Variants in KCNJ15 observed in about 807,000 individuals in gnomAD.
The protein encoded by KCNJ15 is potassium inwardly rectifying channel subfamily J member 15.
Under a neutral mutation model 23.0 loss-of-function variants are expected in KCNJ15, and 14 were observed. That is an observed-to-expected ratio of 0.61 (90% CI 0.40 to 0.95). The LOEUF (loss-of-function observed/expected upper bound fraction) is 0.95. Ranked by LOEUF, KCNJ15 falls within the 40% of genes least tolerant of loss-of-function variation. The pLI, the probability that KCNJ15 is intolerant of heterozygous loss-of-function variation, is 0.00. For synonymous variants in KCNJ15, 185 were observed against 183.2 expected (o/e 1.01, Z -0.08); for missense variants, 388 against 461.8 (o/e 0.84, Z 1.46).
intron 1 of KCNJ15, among the ~76,000 whole-genome samples, chr21:38,238,888 T>A (rs180930363): frequency 1.9e-4 from 29 of 152,342 alleles, no homozygotes; most frequent in African/African-American, 5.1e-4. Flanking sequence ...TCTCTCTCTC[T>A]CACATTTTTG....
At chr21:38,237,530 C>T (rs1378840144) in intron 1 of KCNJ15, 1 of 152,322 alleles carries the variant, frequency 6.6e-6, no homozygotes, top group East Asian at 1.9e-4. Context: ...TGGCATCTTA[C>T]AGCAGGCTGA....
chr21:38,231,133 G>A (rs975312182), intron 1 of KCNJ15, among the ~76,000 whole-genome samples: 4 of 151,916 alleles, frequency 2.6e-5, no homozygotes, highest in Non-Finnish European at 5.9e-5. Flanking sequence ...TTACATTACA[G>A]CATCATAGTA....
intron 1 of KCNJ15, among the ~76,000 whole-genome samples, chr21:38,288,128 C>T (rs543481601): frequency 4.4e-4 from 61 of 140,126 alleles, no homozygotes; most frequent in African/African-American, 1.5e-3. Context: ...GCAAGCTCCA[C>T]TTCCCGGGTT....
chr21:38,288,794 T>C (rs1007506573), intron 1 of KCNJ15, among the ~76,000 whole-genome samples: 5 of 152,232 alleles, frequency 3.3e-5, no homozygotes, highest in Non-Finnish European at 5.9e-5. Context: ...GTCTCAAGCA[T>C]CTTCTTATGT....
At chr21:38,267,698 T>C (rs1981607234) in intron 1 of KCNJ15, among the ~76,000 whole-genome samples, 1 of 152,164 alleles carries the variant, frequency 6.6e-6, no homozygotes, top group Non-Finnish European at 1.5e-5. Context: ...GCCAACTCAG[T>C]TCAGATGAAA....
intron 2 of KCNJ15, among the ~76,000 whole-genome samples, chr21:38,298,449 A>G (rs974782315): frequency 6.6e-6 from 1 of 152,248 alleles, no homozygotes; most frequent in Non-Finnish European, 1.5e-5. Flanking sequence ...GCACTTTTCC[A>G]AGAATAACCA....
intron 1 of KCNJ15, among the ~76,000 whole-genome samples, chr21:38,294,756 T>C (rs1984970981): frequency 2.0e-5 from 3 of 152,208 alleles, no homozygotes. Flanking sequence ...TCTGTTCCAT[T>C]CTGTTTCAGA....
In KCNJ15 at chr21:38,269,528, A is replaced by G. The variant is rs1601183922; in HGVS notation, c.-117+12343A>G. On this transcript the variant is annotated intron_variant, in intron 1 of 2. Coordinates refer to ENST00000398938, the MANE Select transcript of KCNJ15 (RefSeq NM_170736.3). ...AAATACACAGAAACATTAAAAAAGT[A>G]ACTATCTCCTCTGTTTTATAAGGAG... Among the ~76,000 whole-genome samples, 6 of 152,344 alleles carry G rather than the reference A, an allele frequency of 3.9e-5. No individual in the cohort carries two copies. In the South Asian group the frequency reaches 1.2e-3, roughly 32 times the overall value.
chr21:38,283,022 T>G (rs1983521459), intron 1 of KCNJ15, among the ~76,000 whole-genome samples: 1 of 152,184 alleles, frequency 6.6e-6, no homozygotes, highest in Non-Finnish European at 1.5e-5. Context: ...TAGGGCAGGA[T>G]ATCTGCTTTA....
In KCNJ15 at chr21:38,305,468, A is replaced by G. The variant is rs935608324; in HGVS notation, c.*5079A>G. Reference sequence around the variant, plus strand: ...AAAAATTACAAGAAAGGATGGTGGAAGTCAAAGGACAGAACTGATACACGA... The same window carrying G: ...AAAAATTACAAGAAAGGATGGTGGAGGTCAAAGGACAGAACTGATACACGA... On this transcript the variant is annotated 3_prime_UTR_variant, in exon 3 of 3. Transcript: ENST00000398938. 1 of 152,240 alleles carries G rather than the reference A, an allele frequency of 6.6e-6. No individual in the cohort carries two copies. Among genetic ancestry groups the G allele is most frequent in the Non-Finnish European group, 1.5e-5 (1 of 68,052 alleles). 9.4% of individuals were successfully genotyped at this position (152,240 alleles called of 1,614,324 possible).
chr21:38,269,249 A>C (rs933137992), intron 1 of KCNJ15, among the ~76,000 whole-genome samples: 17 of 152,236 alleles, frequency 1.1e-4, no homozygotes, highest in African/African-American at 3.9e-4. Flanking sequence ...AACAAAACAA[A>C]ACTTACTTTG....
At chr21:38,238,864 C>A (rs189346387) in intron 1 of KCNJ15, among the ~76,000 whole-genome samples, 186 of 152,322 alleles carry the variant, frequency 1.2e-3, no homozygotes, top group Non-Finnish European at 2.0e-3. Flanking sequence ...CCTTTCAGTT[C>A]TCTCTTTAAC....
chr21:38,267,064 C>T (rs1306182862), intron 1 of KCNJ15, among the ~76,000 whole-genome samples: 1 of 152,088 alleles, frequency 6.6e-6, no homozygotes, highest in Non-Finnish European at 1.5e-5. Flanking sequence ...AAGACCTGGA[C>T]CAGCATGGTG....
intron 1 of KCNJ15, among the ~76,000 whole-genome samples, chr21:38,286,179 C>G (rs940699689): frequency 1.3e-5 from 2 of 152,104 alleles, no homozygotes; most frequent in African/African-American, 2.4e-5. Flanking sequence ...GGAGGCGGAG[C>G]TTGTAGTGAG....
At position 38,305,231 on chromosome 21, in the gene KCNJ15, G is replaced by C. The variant is rs571368749; in HGVS notation, c.*4842G>C. On this transcript the variant is annotated 3_prime_UTR_variant, in exon 3 of 3. Transcript: ENST00000398938. ...CAACATCATACATGCTTGGTTGACTGTTTCTTCATATTTGCTGTTCATTCT... is the reference window on the plus strand; with the variant it reads ...CAACATCATACATGCTTGGTTGACTCTTTCTTCATATTTGCTGTTCATTCT... 6.6e-6 allele frequency: 1 copy of C among 152,140 alleles called. No homozygotes were observed. Among genetic ancestry groups the C allele is most frequent in the African/African-American group, 2.4e-5 (1 of 41,516 alleles). 9.4% of individuals were successfully genotyped at this position (152,140 alleles called of 1,614,324 possible). A position where few individuals can be genotyped will look rare whatever the true frequency, so the allele number is the denominator to read the frequency against.
At chr21:38,269,174 G>T (rs568144645) in intron 1 of KCNJ15, 1 of 152,334 alleles carries the variant, frequency 6.6e-6, no homozygotes, top group South Asian at 2.1e-4. Flanking sequence ...TGACCAGAAT[G>T]ATTCCTAATT....
intron 1 of KCNJ15, among the ~76,000 whole-genome samples, chr21:38,288,622 G>A (rs913057012): frequency 5.9e-5 from 9 of 152,144 alleles, no homozygotes; most frequent in African/African-American, 1.4e-4. Context: ...TGCCTTCATC[G>A]TAGTGCAAAA....
rs1412399184 is a variant in KCNJ15 at position 38,305,097 on chromosome 21, AG to A, written c.*4709del. ...CTCCGTCTCAAAAAAAAAAAAAAAAAGAAAAAGAAAAAGAAAAGAAAAGAAA... is the reference window on the plus strand; with the variant it reads ...CTCCGTCTCAAAAAAAAAAAAAAAAAAAAAAGAAAAAGAAAAGAAAAGAAA... On this transcript the variant is annotated 3_prime_UTR_variant, in exon 3 of 3. Coordinates refer to ENST00000398938, the MANE Select transcript of KCNJ15 (RefSeq NM_170736.3). The A allele has an allele frequency of 8.0e-5, 11 of 138,172 alleles. No individual in the cohort carries two copies. The highest frequency in any genetic ancestry group is 2.6e-4 in the African/African-American group (10 of 38,186). The allele number at this position is 138,172 out of a possible 1,614,324, so 8.6% of individuals were successfully genotyped here.
At chr21:38,263,382 AG>A (rs1408928769) in intron 1 of KCNJ15, among the ~76,000 whole-genome samples, 3 of 152,152 alleles carry the variant, frequency 2.0e-5, no homozygotes, top group Non-Finnish European at 4.4e-5. Flanking sequence ...GAGTCCTGTG[AG>A]GGTCCTGGTA....
Sources: gnomAD v4.1 joint callset for allele counts (sites outside exome capture counted in the v4.1 genomes callset) on GRCh38, gnomAD v4.1.1 for gene constraint, MANE v1.5 for transcripts, NCBI Gene and HGNC (gene_info 2026-07-23, HGNC 2026-07-21) for gene names.